The following SGCG variants were observed in gnomAD, a reference collection of about 807,000 sequenced individuals.
The protein encoded by SGCG is gamma-sarcoglycan.
In SGCG, 26 loss-of-function variants were observed where a neutral mutation model predicts 29.3. The observed-to-expected ratio is 0.89, with a 90% confidence interval of 0.65 to 1.23. SGCG has a LOEUF of 1.23. Among genes scored for constraint, SGCG ranks in the 50% most tolerant of loss-of-function variants. The pLI is 0.00. For missense variants in SGCG, 353 were observed against 356.0 expected, an observed-to-expected ratio of 0.99 and a Z score of 0.07; for synonymous variants, 145 against 129.7, an observed-to-expected ratio of 1.12 and a Z score of -0.80.
intron 6 of SGCG, among the ~76,000 whole-genome samples, chr13:23,303,746 T>C (rs1383635108): frequency 6.6e-6 from 1 of 152,236 alleles, no homozygotes; most frequent in African/African-American, 2.4e-5. Context: ...TATAGCTCCA[T>C]GATAAATTCC....
In SGCG at chr13:23,250,627, T is replaced by C. The variant is rs1258547095; in HGVS notation, c.298-3T>C. The C allele has an allele frequency of 5.7e-6, 9 of 1,573,398 alleles. No homozygotes were observed. The East Asian group carries it at 2.0e-4, about 35-fold the overall frequency. ...TTTGCAAATTTTATAAATCTCTTTC[T>C]AGGACTCATCTCTGCTTCTACAATC... On this transcript the variant is annotated splice_region_variant and splice_polypyrimidine_tract_variant and intron_variant, in intron 3 of 7. Transcript: ENST00000218867.
chr13:23,174,342 G>A, the SGCG span, among the ~76,000 whole-genome samples: 8 of 152,182 alleles, frequency 5.3e-5, no homozygotes, highest in Admixed American at 1.3e-4. Context: ...AAGTTTGGCC[G>A]AAGCTTGAGG....
intron 4 of SGCG, among the ~76,000 whole-genome samples, chr13:23,265,405 T>C: frequency 6.6e-6 from 1 of 151,984 alleles, no homozygotes; most frequent in East Asian, 1.9e-4. Context: ...GGTGAAACCC[T>C]GTTTCTACTA....
chr13:23,169,304 T>C, the SGCG span, among the ~76,000 whole-genome samples: 1 of 151,756 alleles, frequency 6.6e-6, no homozygotes, highest in Admixed American at 6.6e-5. Flanking sequence ...TCCTCATTTT[T>C]AAATACTTCT....
chr13:23,245,506 G>A (rs746572780), intron 3 of SGCG: 1 of 152,180 alleles, frequency 6.6e-6, no homozygotes, highest in African/African-American at 2.4e-5. Context: ...GGAGAAGGAC[G>A]AGCCAGGAAT....
Position 23,320,673 on chromosome 13 carries a change from C to A in SGCG, c.615C>A (p.Ala205=), listed in dbSNP as rs142409090. The A allele has an allele frequency of 1.3e-4, 202 of 1,607,036 alleles. 1 individual carries two copies. In the East Asian group the frequency reaches 4.5e-3, roughly 36 times the overall value. Residue 205 remains alanine, a synonymous_variant, in exon 7 of 8, where the codon GCC becomes GCA. Coordinates refer to ENST00000218867, the MANE Select transcript of SGCG (RefSeq NM_000231.3). The part of the protein sequence containing the change: ...ESPTRSLSMD[A]PRGVHIQAHA... The stretch of plus-strand genomic sequence containing the variant: ...CCACTCGGAGTCTAAGCATGGATGC[C>A]CCAAGGGGTGTGCATATTCAAGCTC...
chr13:23,276,508 T>C (rs1593213987), intron 4 of SGCG, among the ~76,000 whole-genome samples: 1 of 142,460 alleles, frequency 7.0e-6, no homozygotes, highest in Non-Finnish European at 1.5e-5. Flanking sequence ...TCTCAGCTCA[T>C]TGCAACCTCC....
chr13:23,275,290 G>A (rs1023009470), intron 4 of SGCG, among the ~76,000 whole-genome samples: 5 of 151,720 alleles, frequency 3.3e-5, no homozygotes, highest in Non-Finnish European at 5.9e-5. Context: ...AGAGGTGGGC[G>A]GATCACTTGA....
chr13:23,193,415 A>G (rs1167579397), intron 1 of SGCG, among the ~76,000 whole-genome samples: 1 of 152,210 alleles, frequency 6.6e-6, no homozygotes, highest in Non-Finnish European at 1.5e-5. Context: ...AAGAGGCTGC[A>G]CCGTCAGTGT....
intron 1 of SGCG, among the ~76,000 whole-genome samples, chr13:23,203,316 G>A (rs530856753): frequency 6.6e-6 from 1 of 152,182 alleles, no homozygotes; most frequent in South Asian, 2.1e-4. Context: ...ATTAACCTTT[G>A]TAGAACTCGG....
At chr13:23,205,562 TG>T (rs1877953894) in intron 2 of SGCG, among the ~76,000 whole-genome samples, 1 of 152,234 alleles carries the variant, frequency 6.6e-6, no homozygotes, top group African/African-American at 2.4e-5. Flanking sequence ...GAATTAATTT[TG>T]TAAACGGTTT....
intron 5 of SGCG, among the ~76,000 whole-genome samples, chr13:23,281,339 CAGT>C (rs1440934850): frequency 6.3e-5 from 4 of 63,348 alleles, no homozygotes; most frequent in Non-Finnish European, 1.1e-4. Context: ...GACCGTGTCT[CAGT>C]AATAATAATA....
At chr13:23,193,314 G>A (rs1209067016) in intron 1 of SGCG, among the ~76,000 whole-genome samples, 3 of 152,326 alleles carry the variant, frequency 2.0e-5, no homozygotes, top group Admixed American at 1.3e-4. Context: ...GGGAAGCCAC[G>A]AGTGACTTTA....
chr13:23,242,612 C>A (rs762493790), intron 3 of SGCG, among the ~76,000 whole-genome samples: 1 of 152,092 alleles, frequency 6.6e-6, no homozygotes, highest in Non-Finnish European at 1.5e-5. Context: ...ATAAAATGTT[C>A]TCCTTATACC....
intron 2 of SGCG, among the ~76,000 whole-genome samples, chr13:23,230,978 TGA>T (rs966048019): frequency 1.3e-5 from 2 of 152,230 alleles, no homozygotes; most frequent in Non-Finnish European, 2.9e-5. Context: ...CTTAGTTTAT[TGA>T]GAGTTTTAGC....
chr13:23,174,545 G>A, the SGCG span, among the ~76,000 whole-genome samples: 1 of 152,096 alleles, frequency 6.6e-6, no homozygotes. Flanking sequence ...ATAAAAGTCA[G>A]GAGACAACTA....
At chr13:23,195,389 C>T (rs1279575565) in intron 1 of SGCG, among the ~76,000 whole-genome samples, 1 of 151,946 alleles carries the variant, frequency 6.6e-6, no homozygotes, top group Non-Finnish European at 1.5e-5. Context: ...AAGTAAAAAT[C>T]AAAACAAGAC....
At chr13:23,270,588 A>G (rs916634787) in intron 4 of SGCG, among the ~76,000 whole-genome samples, 2 of 152,152 alleles carry the variant, frequency 1.3e-5, no homozygotes, top group African/African-American at 2.4e-5. Flanking sequence ...CTTTCTGCCC[A>G]GGGTATATGT....
intron 6 of SGCG, among the ~76,000 whole-genome samples, chr13:23,310,405 A>G (rs1013439287): frequency 6.6e-6 from 1 of 152,128 alleles, no homozygotes; most frequent in African/African-American, 2.4e-5. Flanking sequence ...CCTTTTAATC[A>G]TAAGTAATGT....
Sources: allele counts gnomAD v4.1 joint callset (sites outside exome capture counted in the v4.1 genomes callset), GRCh38; gene constraint gnomAD v4.1.1; transcripts MANE v1.5; gene names NCBI Gene and HGNC (gene_info 2026-07-23, HGNC 2026-07-21).